NMNAT3: variants seen among roughly 807,000 people sequenced by gnomAD.
The protein encoded by NMNAT3 is nicotinamide/nicotinic acid mononucleotide adenylyltransferase 3.
In NMNAT3, 21 loss-of-function variants were observed where a neutral mutation model predicts 24.8. That is an observed-to-expected ratio of 0.85 (90% CI 0.60 to 1.22). The LOEUF is 1.22. Among genes scored for constraint, NMNAT3 ranks in the 50% most tolerant of loss-of-function variants. The pLI, the probability that NMNAT3 is intolerant of heterozygous loss-of-function variation, is 0.00. For synonymous variants in NMNAT3, 136 were observed against 155.2 expected (o/e 0.88, Z 0.92); for missense variants, 387 against 436.6 (o/e 0.89, Z 1.01).
intron 1 of NMNAT3, among the ~76,000 whole-genome samples, chr3:139,652,591 A>G (rs1412895172): frequency 6.6e-6 from 1 of 152,184 alleles, no homozygotes; most frequent in African/African-American, 2.4e-5. Context: ...GGGGGGCAAC[A>G]GCACTTCTCA....
Position 139,641,389 on chromosome 3 carries a change from C to T in NMNAT3, c.-140-3327G>A, listed in dbSNP as rs749365927. On this transcript the variant is annotated intron_variant, in intron 1 of 6. Transcript: ENST00000643695. ...GCTCTTTTTCTAGGCCATTGTGATA[C>T]ATGTTGATCTACGAGTGTGCATGCC... 2.0e-5 allele frequency among the ~76,000 whole-genome samples: 3 copies of T among 152,198 alleles called. No homozygotes were observed. The East Asian group carries it at 5.8e-4, about 29-fold the overall frequency.
At chr3:139,574,344 A>G (rs1001294309) in intron 5 of NMNAT3, among the ~76,000 whole-genome samples, 1 of 152,386 alleles carries the variant, frequency 6.6e-6, no homozygotes, top group East Asian at 1.9e-4. Context: ...CCAGTGAGGA[A>G]TTATGACAGT....
intron 1 of NMNAT3, among the ~76,000 whole-genome samples, chr3:139,642,039 A>G (rs926946785): frequency 3.9e-5 from 6 of 152,200 alleles, no homozygotes; most frequent in African/African-American, 1.4e-4. Context: ...ATGATGAAAG[A>G]GCACTGATGA....
chr3:139,590,165 TC>T (rs1235535010), intron 3 of NMNAT3, among the ~76,000 whole-genome samples: 1 of 152,180 alleles, frequency 6.6e-6, no homozygotes, highest in Non-Finnish European at 1.5e-5. Flanking sequence ...GTTTTAGAGA[TC>T]TTTTGGTAAA....
chr3:139,607,151 AATTAT>A (rs2108240004), intron 3 of NMNAT3, among the ~76,000 whole-genome samples: 1 of 151,456 alleles, frequency 6.6e-6, no homozygotes, highest in East Asian at 1.9e-4. Context: ...ATAAATATAT[AATTAT>A]ATTAATTATA....
intron 6 of NMNAT3, chr3:139,567,703 G>T (rs1326150587): frequency 6.6e-6 from 1 of 152,196 alleles, no homozygotes; most frequent in Non-Finnish European, 1.5e-5. Flanking sequence ...ACTTGATCAT[G>T]GTGGATATGC....
At chr3:139,637,381 C>T (rs2056540587) in intron 2 of NMNAT3, 1 of 152,224 alleles carries the variant, frequency 6.6e-6, no homozygotes, top group Non-Finnish European at 1.5e-5. Context: ...CAACTTTACG[C>T]TTGGCCCCAA....
chr3:139,582,868 T>C lies in NMNAT3; in HGVS notation c.391+59A>G, dbSNP rs1420153700. On this transcript the variant is annotated intron_variant, in intron 4 of 6. Transcript: ENST00000643695. ...TTTCAAATTATCTGTAAGTTTGAAGTTTTTTCAAAATAAGTTGGAGGGAGG... is the reference window on the plus strand; with the variant it reads ...TTTCAAATTATCTGTAAGTTTGAAGCTTTTTCAAAATAAGTTGGAGGGAGG... 9 of 1,144,852 alleles carry C rather than the reference T, an allele frequency of 7.9e-6. No homozygotes were observed. In the East Asian group the frequency reaches 2.1e-4, roughly 27 times the overall value. The allele number at this position is 1,144,852 out of a possible 1,614,324, so 70.9% of individuals were successfully genotyped here. A position where few individuals can be genotyped will look rare whatever the true frequency, so the allele number is the denominator to read the frequency against.
chr3:139,653,631 A>G (rs754744995), intron 1 of NMNAT3, among the ~76,000 whole-genome samples: 2 of 152,220 alleles, frequency 1.3e-5, no homozygotes, highest in Non-Finnish European at 1.5e-5. Context: ...TGTTGCCTTC[A>G]AGGTCTCTGT....
At chr3:139,574,139 G>T (rs561419169) in intron 5 of NMNAT3, among the ~76,000 whole-genome samples, 2 of 152,374 alleles carry the variant, frequency 1.3e-5, no homozygotes, top group South Asian at 4.1e-4. Flanking sequence ...CTGGCACAGT[G>T]CATGGCCCAC....
At chr3:139,657,997 T>A (rs1478338812) in intron 1 of NMNAT3, among the ~76,000 whole-genome samples, 1 of 151,938 alleles carries the variant, frequency 6.6e-6, no homozygotes, top group Non-Finnish European at 1.5e-5. Context: ...AAATGGTAAG[T>A]GCATGCCCCA....
In NMNAT3 at chr3:139,644,721, A is replaced by C. The variant is rs144817310; in HGVS notation, c.-140-6659T>G. On this transcript the variant is annotated intron_variant, in intron 1 of 6. Coordinates refer to ENST00000643695, the MANE Select transcript of NMNAT3 (RefSeq NM_001320510.2). The stretch of plus-strand genomic sequence containing the variant: ...GGAATATGAGAAAAAAGTTAATTTG[A>C]CTCCCATATTAGGAATTTCTCTTTG... Among the ~76,000 whole-genome samples, 824 of 152,258 alleles carry C rather than the reference A, an allele frequency of 5.4e-3. 12 individuals carry two copies. The highest frequency in any genetic ancestry group is 0.018 in the African/African-American group (745 of 41,566).
intron 3 of NMNAT3, among the ~76,000 whole-genome samples, chr3:139,588,475 A>G (rs1281673632): frequency 1.3e-5 from 2 of 152,222 alleles, no homozygotes; most frequent in East Asian, 3.8e-4. Context: ...TAGTTGGGAA[A>G]ATGCAAAACA....
intron 3 of NMNAT3, among the ~76,000 whole-genome samples, chr3:139,626,586 T>C (rs1252641758): frequency 6.6e-6 from 1 of 152,132 alleles, no homozygotes; most frequent in African/African-American, 2.4e-5. Context: ...TGGTTCATTT[T>C]TCTCTTTGTT....
At chr3:139,675,470 C>T (rs1056902928) in intron 1 of NMNAT3, among the ~76,000 whole-genome samples, 6 of 152,282 alleles carry the variant, frequency 3.9e-5, no homozygotes, top group East Asian at 1.9e-4. Flanking sequence ...ACTTTTGCTA[C>T]GCTTTCTTTG....
chr3:139,593,036 A>G (rs955116517), intron 3 of NMNAT3, among the ~76,000 whole-genome samples: 2,346 of 152,332 alleles, frequency 0.015, 37 homozygotes, highest in Non-Finnish European at 0.023. Flanking sequence ...AATTGGATAA[A>G]GAGTCAAGAC....
intron 1 of NMNAT3, among the ~76,000 whole-genome samples, chr3:139,645,117 G>A (rs1451740078): frequency 2.0e-5 from 3 of 152,058 alleles, no homozygotes; most frequent in African/African-American, 7.2e-5. Context: ...CAGGAGAATC[G>A]CTTGAACCTG....
At chr3:139,573,828 G>T in intron 5 of NMNAT3, 148 bp from the exon 6 acceptor site, 1 of 493,920 alleles carries the variant, frequency 2.0e-6, no homozygotes, top group Admixed American at 4.0e-5. Context: ...TCTGTGGCAG[G>T]CATTGCCAGG....
intron 5 of NMNAT3, among the ~76,000 whole-genome samples, chr3:139,574,311 C>T (rs3914177): frequency 0.33 from 50,560 of 152,144 alleles, 9,239 homozygotes; most frequent in East Asian, 0.59. Flanking sequence ...TTTCAAGTCT[C>T]TATGTGGATG....
Sources: allele counts gnomAD v4.1 joint callset (sites outside exome capture counted in the v4.1 genomes callset), GRCh38; gene constraint gnomAD v4.1.1; transcripts MANE v1.5; gene names NCBI Gene and HGNC (gene_info 2026-07-23, HGNC 2026-07-21).